TMEM51: variants seen among roughly 807,000 people sequenced by gnomAD.
The protein encoded by TMEM51 is transmembrane protein 51.
In TMEM51, 8 loss-of-function variants were observed where a neutral mutation model predicts 13.6. The ratio of observed to expected loss-of-function variants is 0.59; its 90% CI spans 0.35 to 1.07. The LOEUF is 1.07. Among genes scored for constraint, TMEM51 ranks in the 50% least tolerant of loss-of-function variants. The pLI, the probability that TMEM51 is intolerant of heterozygous loss-of-function variation, is 0.02. For synonymous variants in TMEM51, 147 were observed against 144.4 expected (o/e 1.02, Z -0.13); for missense variants, 279 against 330.7 (o/e 0.84, Z 1.21).
chr1:15,167,326 CAAAAAAAAAA>C lies in TMEM51; in HGVS notation c.-267+13393_-267+13402del, dbSNP rs555274126. 1.4e-3 allele frequency among the ~76,000 whole-genome samples: 94 copies of C among 69,446 alleles called. 1 individual carries two copies. Among genetic ancestry groups the C allele is most frequent in the African/African-American group, 4.2e-3 (84 of 19,884 alleles). The allele number at this position is 69,446 out of a possible 152,430, so 45.6% of individuals were successfully genotyped here. A position where few individuals can be genotyped will look rare whatever the true frequency, so the allele number is the denominator to read the frequency against. On this transcript the variant is annotated intron_variant, in intron 1 of 3. Transcript: ENST00000376008. ...TGGGCGACAGAGCGAGACTCCATCT[CAAAAAAAAAA>C]AAAAAAAAAAAAAAAAAAAAGAATA...
rs1044856263 is a variant in TMEM51 at position 15,220,388 on chromosome 1, AAAAAAG to A, written c.*648_*653del. On this transcript the variant is annotated 3_prime_UTR_variant, in exon 4 of 4. Transcript: ENST00000376008. ...TTCTGTGTAACAGCAAAAAAAAAAA[AAAAAAG>A]AAGAAGAAAGAAAACTGTAGGAAAT... 2 of 151,596 alleles carry A rather than the reference AAAAAAG, an allele frequency of 1.3e-5. No homozygotes were observed. Among genetic ancestry groups the A allele is most frequent in the African/African-American group, 2.4e-5 (1 of 40,970 alleles). The allele number at this position is 151,596 out of a possible 1,614,324, so 9.4% of individuals were successfully genotyped here.
intron 1 of TMEM51, among the ~76,000 whole-genome samples, chr1:15,175,575 G>A (rs1489667122): frequency 3.3e-5 from 5 of 152,198 alleles, no homozygotes; most frequent in Non-Finnish European, 7.3e-5. Flanking sequence ...ACATACCCGA[G>A]ACTGGGTAAT....
rs942531713 is a variant in TMEM51 at position 15,161,420 on chromosome 1, G to A, written c.-267+7466G>A. On this transcript the variant is annotated intron_variant, in intron 1 of 3. Transcript: ENST00000376008. This position sits in a 1 kb window ranked among gnomAD's most constrained non-coding sequence, Gnocchi z 4.0. ...ACTCAGGAGGCTGACCACAGGAATC[G>A]CTTGAACCTGGAAAGCAGAGGTTGC... Among the ~76,000 whole-genome samples the A allele has an allele frequency of 9.2e-5, 14 of 151,918 alleles. No individual in the cohort carries two copies. Among genetic ancestry groups the A allele is most frequent in the Admixed American group, 5.2e-4 (8 of 15,262 alleles).
chr1:15,176,509 A>G (rs1012087627), intron 1 of TMEM51, among the ~76,000 whole-genome samples: 2 of 152,212 alleles, frequency 1.3e-5, no homozygotes, highest in South Asian at 2.1e-4. Context: ...AGAGGCCTTC[A>G]GGATGGGGTA....
intron 1 of TMEM51, among the ~76,000 whole-genome samples, chr1:15,173,505 G>A (rs1643363305): frequency 6.6e-6 from 1 of 152,066 alleles, no homozygotes; most frequent in Non-Finnish European, 1.5e-5. Context: ...ACAGGCGTGA[G>A]CTACTGCGCC....
At chr1:15,203,828 T>C (rs1191137480) in intron 1 of TMEM51, among the ~76,000 whole-genome samples, 2 of 152,190 alleles carry the variant, frequency 1.3e-5, no homozygotes, top group Non-Finnish European at 2.9e-5. Context: ...AAAATTTACT[T>C]TGTACAGATG....
chr1:15,170,300 C>T (rs1341609410), intron 1 of TMEM51, among the ~76,000 whole-genome samples: 2 of 151,852 alleles, frequency 1.3e-5, no homozygotes, highest in African/African-American at 4.8e-5. Flanking sequence ...TCCCCCGGCC[C>T]TCTGCTGCAG....
chr1:15,218,070 T>C (rs1644457063), intron 3 of TMEM51, among the ~76,000 whole-genome samples: 2 of 148,134 alleles, frequency 1.4e-5, no homozygotes, highest in African/African-American at 4.9e-5. Flanking sequence ...ATGTTGGCCA[T>C]GATCACCCCA....
chr1:15,180,023 T>C (rs1483693325), intron 1 of TMEM51, among the ~76,000 whole-genome samples: 2 of 152,084 alleles, frequency 1.3e-5, no homozygotes, highest in Non-Finnish European at 2.9e-5. Context: ...AGTAAATAAA[T>C]AAGTAAAGGG....
intron 1 of TMEM51, among the ~76,000 whole-genome samples, chr1:15,193,395 G>A (rs190367556): frequency 2.0e-5 from 3 of 152,112 alleles, no homozygotes; most frequent in African/African-American, 7.2e-5. Context: ...GGCACCTAAC[G>A]TGGAGTTATC....
At chr1:15,206,207 G>C (rs1211954459) in intron 1 of TMEM51, among the ~76,000 whole-genome samples, 1 of 138,146 alleles carries the variant, frequency 7.2e-6, no homozygotes, top group Non-Finnish European at 1.5e-5. Flanking sequence ...CTGCAGCCTG[G>C]ATGACAGAGT....
intron 1 of TMEM51, among the ~76,000 whole-genome samples, chr1:15,171,924 A>T (rs1187699718): frequency 2.0e-5 from 3 of 152,186 alleles, no homozygotes; most frequent in Non-Finnish European, 4.4e-5. Flanking sequence ...CCTTGCTCAG[A>T]TCATCAGCTG....
chr1:15,164,085 C>A, intron 1 of TMEM51, among the ~76,000 whole-genome samples: 1 of 152,018 alleles, frequency 6.6e-6, no homozygotes, highest in Non-Finnish European at 1.5e-5. Context: ...CCACCTCGGC[C>A]TCCCAAAGTG....
intron 1 of TMEM51, among the ~76,000 whole-genome samples, chr1:15,199,490 C>T (rs1245021343): frequency 6.6e-6 from 1 of 152,158 alleles, no homozygotes; most frequent in Non-Finnish European, 1.5e-5. Flanking sequence ...GTGGGCTAGC[C>T]ACGGGTTGGG....
chr1:15,219,645 G>C lies in TMEM51; in HGVS notation c.664G>C (p.Asp222His). The change falls in exon 4 of 4, where the codon GAC becomes CAC. Residue 222 changes from aspartate to histidine, a missense_variant. Physicochemically the swap from Asp to His is moderately conservative, Grantham distance 81. Transcript: ENST00000376008. ...CAAAGACTTTAGGATCAACCTCCCAGACAAAAACGTCCCTCCTCCCTCGAT... is the reference window on the plus strand; with the variant it reads ...CAAAGACTTTAGGATCAACCTCCCACACAAAAACGTCCCTCCTCCCTCGAT... ...HLKDFRINLP[D>H]KNVPPPSIEP... 6.2e-7 allele frequency: 1 copy of C among 1,613,998 alleles called. No individual in the cohort carries two copies. The highest frequency in any genetic ancestry group is 2.2e-5 in the East Asian group (1 of 44,886).
At chr1:15,175,017 C>G (rs1258198396) in intron 1 of TMEM51, among the ~76,000 whole-genome samples, 3 of 152,202 alleles carry the variant, frequency 2.0e-5, no homozygotes, top group Non-Finnish European at 4.4e-5. Flanking sequence ...CTTTTGGTCG[C>G]TGACACTAAA....
chr1:15,191,205 C>G (rs530736987), intron 1 of TMEM51, among the ~76,000 whole-genome samples: 2 of 152,348 alleles, frequency 1.3e-5, no homozygotes, highest in African/African-American at 4.8e-5. Flanking sequence ...CAGCAGCCAA[C>G]AAGGGCAGGT....
intron 3 of TMEM51, among the ~76,000 whole-genome samples, chr1:15,217,780 C>T (rs1321519962): frequency 1.3e-5 from 2 of 152,112 alleles, no homozygotes; most frequent in African/African-American, 4.8e-5. Context: ...GATGGTGCCA[C>T]CACACTGAGG....
intron 1 of TMEM51, among the ~76,000 whole-genome samples, chr1:15,203,256 T>C (rs191599785): frequency 8.7e-4 from 132 of 152,178 alleles, no homozygotes; most frequent in African/African-American, 3.0e-3. Context: ...GCCACCGTTT[T>C]TTGTTTTTTG....
Sources: allele counts gnomAD v4.1 joint callset (sites outside exome capture counted in the v4.1 genomes callset), GRCh38; gene constraint gnomAD v4.1.1; non-coding constraint Gnocchi (gnomAD v3.1); transcripts MANE v1.5; gene names NCBI Gene and HGNC (gene_info 2026-07-23, HGNC 2026-07-21).